The following FBXL20 variants were observed in gnomAD, a reference collection of about 807,000 sequenced individuals.
The protein encoded by FBXL20 is F-box/LRR-repeat protein 20.
FBXL20 carries 11 observed loss-of-function variants against 64.0 expected under a neutral mutation model. The ratio of observed to expected loss-of-function variants is 0.17; its 90% CI spans 0.11 to 0.28. The LOEUF (loss-of-function observed/expected upper bound fraction) is 0.28, where lower values mean the gene tolerates loss of function less well. Among genes scored for constraint, FBXL20 ranks in the 10% least tolerant of loss-of-function variants. The pLI is 1.00. For missense variants in FBXL20, 303 were observed against 526.2 expected (o/e 0.58, Z 4.15); for synonymous variants, 184 against 189.0 (o/e 0.97, Z 0.22).
At chr17:39,263,367 T>G (rs960179184) in intron 14 of FBXL20, among the ~76,000 whole-genome samples, 2 of 151,868 alleles carry the variant, frequency 1.3e-5, no homozygotes, top group African/African-American at 4.8e-5. Flanking sequence ...ATACAAAAAA[T>G]CAGGCTGGCG....
chr17:39,256,347 T>C lies in FBXL20; in HGVS notation c.*5113A>G, dbSNP rs112982609. The C allele has an allele frequency of 7.0e-4, 104 of 148,144 alleles. No individual in the cohort carries two copies. The highest frequency in any genetic ancestry group is 2.3e-3 in the African/African-American group (91 of 40,258). 9.2% of individuals were successfully genotyped at this position (148,144 alleles called of 1,614,324 possible). On this transcript the variant is annotated 3_prime_UTR_variant, in exon 15 of 15. Coordinates refer to ENST00000264658, the MANE Select transcript of FBXL20 (RefSeq NM_032875.3). ...AAAAAAAAAAAAAAAAAAAGAAATA[T>C]AGGCGAGGAAAGGCTGTGACTCCAT...
Position 39,299,024 on chromosome 17 carries a change from G to A in FBXL20, c.295C>T (p.Arg99Cys). Residue 99 changes from arginine to cysteine, a missense_variant, in exon 5 of 15, where the codon CGT becomes TGT. Around this residue, in one of 3 missense-constraint regions of FBXL20, gnomAD observed 246 missense variants for 422.6 expected, o/e 0.58. Transcript: ENST00000264658. ...TTGTCTCCCACTCCAAGACATCCAC[G>A]AAGACTTAACTTTCGTAAAAAGCCC... is the stretch of plus-strand genomic sequence containing the variant. ...CGGFLRKLSL[R>C]GCLGVGDNAL... 1.9e-6 allele frequency: 3 copies of A among 1,613,632 alleles called. No individual in the cohort carries two copies. The highest frequency in any genetic ancestry group is 2.5e-6 in the Non-Finnish European group (3 of 1,179,846).
chr17:39,386,735 G>C (rs984897175), intron 1 of FBXL20, among the ~76,000 whole-genome samples: 4 of 152,122 alleles, frequency 2.6e-5, no homozygotes, highest in African/African-American at 9.7e-5. Context: ...TATGTGACTG[G>C]TTAGGGACTT....
chr17:39,323,926 T>C (rs191516256), intron 2 of FBXL20, among the ~76,000 whole-genome samples: 3,659 of 145,940 alleles, frequency 0.025, 209 homozygotes, highest in African/African-American at 0.096. Context: ...CCACCACGCC[T>C]GGCTATTTTT....
chr17:39,298,424 T>G (rs908908609), intron 5 of FBXL20, among the ~76,000 whole-genome samples: 1 of 152,072 alleles, frequency 6.6e-6, no homozygotes, highest in African/African-American at 2.4e-5. Context: ...ACCATAACCC[T>G]AAAAAAGAAC....
intron 3 of FBXL20, among the ~76,000 whole-genome samples, chr17:39,302,064 C>G (rs1463635574): frequency 2.0e-5 from 3 of 151,850 alleles, no homozygotes; most frequent in East Asian, 1.9e-4. Context: ...AAAAGCAAGT[C>G]TTTCTTCTAT....
intron 1 of FBXL20, among the ~76,000 whole-genome samples, chr17:39,371,070 T>C (rs1014990165): frequency 1.3e-5 from 2 of 151,680 alleles, no homozygotes; most frequent in African/African-American, 4.8e-5. Flanking sequence ...AATACAAAAT[T>C]AGCCGGGCGT....
At chr17:39,392,948 G>A (rs1433423625) in intron 1 of FBXL20, among the ~76,000 whole-genome samples, 3 of 150,656 alleles carry the variant, frequency 2.0e-5, no homozygotes, top group South Asian at 2.1e-4. Context: ...AGCCGAGATC[G>A]TGTCATCGCA....
chr17:39,297,053 T>C (rs2047092747), intron 6 of FBXL20, 74 bp downstream of exon 6: 3 of 999,274 alleles, frequency 3.0e-6, no homozygotes, highest in Non-Finnish European at 4.4e-6. Flanking sequence ...ATAGAGTTAA[T>C]GGCCTGAATT....
chr17:39,394,296 T>TG (rs1367083213), intron 1 of FBXL20, among the ~76,000 whole-genome samples: 60 of 151,136 alleles, frequency 4.0e-4, no homozygotes, highest in African/African-American at 1.3e-3. Flanking sequence ...TTTTTTTTTT[T>TG]GAGACAGAGT....
intron 1 of FBXL20, among the ~76,000 whole-genome samples, chr17:39,397,871 A>G (rs1055973785): frequency 1.3e-5 from 2 of 151,608 alleles, no homozygotes; most frequent in African/African-American, 4.8e-5. Flanking sequence ...AAAAAAATGC[A>G]GATTGGAATC....
intron 2 of FBXL20, among the ~76,000 whole-genome samples, chr17:39,314,838 C>T (rs2047270420): frequency 7.3e-6 from 1 of 137,662 alleles, no homozygotes; most frequent in African/African-American, 2.8e-5. Flanking sequence ...CTCTGTGTTG[C>T]CCAGGCTGGA....
In FBXL20 at chr17:39,261,136, A is replaced by AT; in HGVS notation, c.*323dup. The stretch of plus-strand genomic sequence containing the variant: ...ACAAAAATTTAAAAACCACAGTAGC[A>AT]TTAACACGGGGTTTGCTGGAATGCC... On this transcript the variant is annotated 3_prime_UTR_variant, in exon 15 of 15. Transcript: ENST00000264658. 1 of 266,768 alleles carries AT rather than the reference A, an allele frequency of 3.7e-6. No individual in the cohort carries two copies. Among genetic ancestry groups the AT allele is most frequent in the South Asian group, 4.0e-5 (1 of 25,260 alleles). 16.5% of individuals were successfully genotyped at this position (266,768 alleles called of 1,614,324 possible). A position where few individuals can be genotyped will look rare whatever the true frequency, so the allele number is the denominator to read the frequency against.
upstream of FBXL20, chr17:39,401,834 G>A: frequency 1.9e-6 from 1 of 536,188 alleles, no homozygotes; most frequent in Non-Finnish European, 2.6e-6. Context: ...CGCGGCGGCG[G>A]CACGACCCCC....
intron 1 of FBXL20, among the ~76,000 whole-genome samples, chr17:39,390,570 A>G (rs962977639): frequency 9.2e-5 from 14 of 151,520 alleles, no homozygotes; most frequent in African/African-American, 3.4e-4. Flanking sequence ...CTTAAAAAAA[A>G]AAAAAAAATA....
At chr17:39,305,208 CAT>C (rs1283793480) in intron 2 of FBXL20, among the ~76,000 whole-genome samples, 1 of 152,160 alleles carries the variant, frequency 6.6e-6, no homozygotes, top group Non-Finnish European at 1.5e-5. Context: ...TAGATCTCTA[CAT>C]ATTTCATTCT....
intron 1 of FBXL20, among the ~76,000 whole-genome samples, chr17:39,382,442 C>CAAA (rs543348192): frequency 3.4e-5 from 3 of 88,186 alleles, no homozygotes; most frequent in Admixed American, 2.5e-4. Flanking sequence ...GACTCCATCT[C>CAAA]AAAAAAAAAA....
chr17:39,317,701 GTTTTTTTTTT>G (rs1238194174), intron 2 of FBXL20, among the ~76,000 whole-genome samples: 106 of 44,284 alleles, frequency 2.4e-3, no homozygotes, highest in Non-Finnish European at 3.8e-3. Flanking sequence ...TTTTTTTTTT[GTTTTTTTTTT>G]TTTTTTTTGA....
At chr17:39,344,895 T>TG (rs2047618169) in intron 1 of FBXL20, among the ~76,000 whole-genome samples, 1 of 152,188 alleles carries the variant, frequency 6.6e-6, no homozygotes, top group African/African-American at 2.4e-5. Flanking sequence ...ATCAAGTGCA[T>TG]CACTTGATGC....
Sources: allele counts gnomAD v4.1 joint callset (sites outside exome capture counted in the v4.1 genomes callset), GRCh38; gene constraint gnomAD v4.1.1; regional missense constraint gnomAD v4.1.1; transcripts MANE v1.5; gene names NCBI Gene and HGNC (gene_info 2026-07-23, HGNC 2026-07-21).